FXR1: variants seen among roughly 807,000 people sequenced by gnomAD.
FXR1 encodes FMR1 autosomal homolog 1, also known as RNA-binding protein FXR1.
A neutral mutation model predicts 84.0 loss-of-function variants in FXR1; 15 were observed. The ratio of observed to expected loss-of-function variants is 0.18; its 90% CI spans 0.12 to 0.27. The LOEUF is 0.27. Among genes scored for constraint, FXR1 ranks in the 10% least tolerant of loss-of-function variants. The pLI, the probability that FXR1 is intolerant of heterozygous loss-of-function variation, is 1.00. For missense variants in FXR1, 480 were observed against 774.4 expected (o/e 0.62, Z 4.51); for synonymous variants, 245 against 250.7 (o/e 0.98, Z 0.21).
At chr3:180,946,496 G>A (rs1045074300) in intron 3 of FXR1, among the ~76,000 whole-genome samples, 26 of 152,130 alleles carry the variant, frequency 1.7e-4, no homozygotes, top group Non-Finnish European at 2.9e-5. Flanking sequence ...GGAATATGTC[G>A]TAAGGAAGAA....
intron 14 of FXR1, among the ~76,000 whole-genome samples, chr3:180,969,425 G>A (rs1252707977): frequency 6.6e-6 from 1 of 152,124 alleles, no homozygotes; most frequent in African/African-American, 2.4e-5. Context: ...GATTGTTGGA[G>A]GTAATAAATG....
intron 1 of FXR1, among the ~76,000 whole-genome samples, chr3:180,916,302 A>G (rs908769970): frequency 6.6e-6 from 1 of 152,246 alleles, no homozygotes; most frequent in Non-Finnish European, 1.5e-5. Flanking sequence ...GCTCATTTGC[A>G]TCATTAAAGT....
intron 1 of FXR1, among the ~76,000 whole-genome samples, chr3:180,917,108 A>G (rs1298677064): frequency 1.3e-5 from 2 of 151,976 alleles, no homozygotes; most frequent in African/African-American, 4.8e-5. Context: ...GGTGCTGGGA[A>G]TACAGGCGTG....
intron 3 of FXR1, among the ~76,000 whole-genome samples, chr3:180,944,867 C>T (rs937570714): frequency 1.3e-5 from 2 of 152,254 alleles, no homozygotes; most frequent in Non-Finnish European, 2.9e-5. Context: ...AAGTGATCTG[C>T]CCACCTCAGC....
Position 180,963,100 on chromosome 3 carries a change from AATTTT to A in FXR1, c.1198+11_1198+15del. ...TACACCTCCGGTTATGGTAAAAAAA[AATTTT>A]TTTTTTTTTTTTTTGGTAATAGTAA... is the stretch of plus-strand genomic sequence containing the variant. On this transcript the variant is annotated intron_variant, in intron 13 of 16. Coordinates refer to ENST00000357559, the MANE Select transcript of FXR1 (RefSeq NM_005087.4). 3.9e-6 allele frequency: 5 copies of A among 1,278,658 alleles called. No individual in the cohort carries two copies. Among genetic ancestry groups the A allele is most frequent in the Non-Finnish European group, 5.5e-6 (5 of 902,316 alleles). 79.2% of individuals were successfully genotyped at this position (1,278,658 alleles called of 1,614,324 possible).
In FXR1 at chr3:180,963,100, AATTT is replaced by A. The variant is rs75138233; in HGVS notation, c.1198+11_1198+14del. On this transcript the variant is annotated intron_variant, in intron 13 of 16. Coordinates refer to ENST00000357559, the MANE Select transcript of FXR1 (RefSeq NM_005087.4). Reference sequence around the variant, plus strand: ...TACACCTCCGGTTATGGTAAAAAAAAATTTTTTTTTTTTTTTTTTGGTAATAGTA... The same window carrying A: ...TACACCTCCGGTTATGGTAAAAAAAATTTTTTTTTTTTTTTGGTAATAGTA... 1.1e-5 allele frequency: 14 copies of A among 1,278,552 alleles called. No homozygotes were observed. Among genetic ancestry groups the A allele is most frequent in the African/African-American group, 1.5e-5 (1 of 65,294 alleles). 79.2% of individuals were successfully genotyped at this position (1,278,552 alleles called of 1,614,324 possible).
chr3:180,971,192 A>C, intron 15 of FXR1: 4 of 762,748 alleles, frequency 5.2e-6, no homozygotes, highest in Non-Finnish European at 5.3e-6. Flanking sequence ...ATCAGGTCAC[A>C]AGCATGAAAA....
At chr3:180,974,988 C>T (rs565066620) in intron 15 of FXR1, among the ~76,000 whole-genome samples, 1 of 135,380 alleles carries the variant, frequency 7.4e-6, no homozygotes, top group Non-Finnish European at 1.5e-5. Context: ...TAGAACACTG[C>T]GTTTGTATTT....
At chr3:180,933,825 G>A (rs555467977) in intron 2 of FXR1, among the ~76,000 whole-genome samples, 45 of 152,048 alleles carry the variant, frequency 3.0e-4, no homozygotes, top group African/African-American at 9.9e-4. Flanking sequence ...ATAAAAGAGC[G>A]CTGGGCTGCG....
intron 1 of FXR1, among the ~76,000 whole-genome samples, chr3:180,923,027 C>T (rs1292516922): frequency 6.6e-6 from 1 of 152,104 alleles, no homozygotes; most frequent in Non-Finnish European, 1.5e-5. Context: ...CTGGTTAAGA[C>T]AGTCTGTGCC....
At chr3:180,919,275 T>A (rs1718266914) in intron 1 of FXR1, among the ~76,000 whole-genome samples, 1 of 143,930 alleles carries the variant, frequency 6.9e-6, no homozygotes, top group South Asian at 2.2e-4. Context: ...AATTTTATTT[T>A]TTTTTTATTT....
chr3:180,972,891 T>G (rs1713763962), intron 15 of FXR1, among the ~76,000 whole-genome samples: 1 of 152,220 alleles, frequency 6.6e-6, no homozygotes, highest in Admixed American at 6.5e-5. Context: ...GTAGCAGTTC[T>G]AGGAGGCAGC....
chr3:180,953,185 G>T (rs1722408466), intron 8 of FXR1, among the ~76,000 whole-genome samples: 1 of 152,138 alleles, frequency 6.6e-6, no homozygotes, highest in South Asian at 2.1e-4. Context: ...AAGTGAAAGT[G>T]ACTTTATTGA....
At chr3:180,970,857 A>G (rs1063832) in intron 15 of FXR1, among the ~76,000 whole-genome samples, 2 of 152,168 alleles carry the variant, frequency 1.3e-5, no homozygotes, top group Non-Finnish European at 2.9e-5. Flanking sequence ...ACTGTGAGTT[A>G]AAACCCTCTG....
At chr3:180,950,164 C>T (rs1046078785) in intron 7 of FXR1, among the ~76,000 whole-genome samples, 10 of 152,164 alleles carry the variant, frequency 6.6e-5, no homozygotes, top group African/African-American at 2.4e-4. Flanking sequence ...TCTTCCCACT[C>T]ACTCACACTT....
intron 1 of FXR1, among the ~76,000 whole-genome samples, chr3:180,932,074 T>TTAAAAAAAAAAAA (rs757750985): frequency 2.0e-4 from 1 of 4,914 alleles, no homozygotes; most frequent in East Asian, 9.6e-3. Flanking sequence ...TTTGTAAGTT[T>TTAAAAAAAAAAAA]CAAAAAAAAA....
chr3:180,926,488 A>C (rs1303901880), intron 1 of FXR1, among the ~76,000 whole-genome samples: 1 of 101,352 alleles, frequency 9.9e-6, no homozygotes, highest in East Asian at 2.7e-4. Context: ...GTATATATAT[A>C]TATATATATA....
chr3:180,919,294 T>G (rs910795748), intron 1 of FXR1, among the ~76,000 whole-genome samples: 2 of 150,920 alleles, frequency 1.3e-5, no homozygotes, highest in South Asian at 2.1e-4. Flanking sequence ...TTTTGTTTTT[T>G]TTTTTTTTGA....
chr3:180,958,968 C>A (rs1361543940), intron 10 of FXR1, among the ~76,000 whole-genome samples: 1 of 151,894 alleles, frequency 6.6e-6, no homozygotes, highest in Admixed American at 6.6e-5. Flanking sequence ...CCATCACGCC[C>A]AGCTAATTTT....
Sources: gnomAD v4.1 joint callset for allele counts (sites outside exome capture counted in the v4.1 genomes callset) on GRCh38, gnomAD v4.1.1 for gene constraint, MANE v1.5 for transcripts, NCBI Gene and HGNC (gene_info 2026-07-23, HGNC 2026-07-21) for gene names.